Variants in FER1L6 observed in about 807,000 individuals in gnomAD.
FER1L6 encodes fer-1 like family member 6.
In FER1L6, 177 loss-of-function variants were observed where a neutral mutation model predicts 219.2. The ratio of observed to expected loss-of-function variants is 0.81; its 90% confidence interval spans 0.71 to 0.91. FER1L6 has a LOEUF of 0.91. Ranked by LOEUF, FER1L6 falls within the 40% of genes least tolerant of loss-of-function variation. FER1L6 has a pLI of 0.00. For synonymous variants in FER1L6, 768 were observed against 824.3 expected (o/e 0.93, Z 1.17); for missense variants, 2,153 against 2,259.9 (o/e 0.95, Z 0.96).
At chr8:124,010,140 C>T (rs1037564946) in intron 13 of FER1L6, among the ~76,000 whole-genome samples, 5 of 151,220 alleles carry the variant, frequency 3.3e-5, no homozygotes, top group Non-Finnish European at 5.9e-5. Flanking sequence ...GGTCGTGGAG[C>T]TGCAGATCCA....
intron 1 of FER1L6, among the ~76,000 whole-genome samples, chr8:123,856,703 T>C (rs543373922): frequency 6.6e-6 from 1 of 151,966 alleles, no homozygotes; most frequent in Admixed American, 6.6e-5. Flanking sequence ...TCTGCTTGGA[T>C]GAAGAGTAGC....
chr8:124,094,856 A>G (rs752318945), intron 34 of FER1L6, 40 bp from the exon 35 acceptor site: 1 of 1,610,656 alleles, frequency 6.2e-7, no homozygotes, highest in Admixed American at 1.7e-5. Flanking sequence ...GTCTCCTTGC[A>G]GGAACACACA....
chr8:124,004,115 C>CAAAAAAAAAAA (rs80310802), intron 13 of FER1L6: 47 of 78,364 alleles, frequency 6.0e-4, no homozygotes, highest in Non-Finnish European at 7.9e-4. Context: ...CTGAAAGACT[C>CAAAAAAAAAAA]AAAAAAAAAA....
intron 34 of FER1L6, 112 bp downstream of exon 34, chr8:124,091,695 A>G (rs1011360761): frequency 2.3e-5 from 27 of 1,151,040 alleles, no homozygotes; most frequent in Non-Finnish European, 3.4e-5. Flanking sequence ...GGCCAGGCAC[A>G]GTGGCTCACG....
chr8:123,927,882 CAG>C (rs2129894255), intron 1 of FER1L6, among the ~76,000 whole-genome samples: 1 of 152,284 alleles, frequency 6.6e-6, no homozygotes, highest in South Asian at 2.1e-4. Context: ...TTATATATCA[CAG>C]TGTTTATTGT....
At chr8:124,027,682 C>T (rs1293473348) in intron 18 of FER1L6, among the ~76,000 whole-genome samples, 1 of 152,184 alleles carries the variant, frequency 6.6e-6, no homozygotes, top group African/African-American at 2.4e-5. Flanking sequence ...ACCTTAGCCT[C>T]CTGAATAGCT....
chr8:124,077,539 TG>T (rs1821343529), intron 32 of FER1L6, among the ~76,000 whole-genome samples: 1 of 152,186 alleles, frequency 6.6e-6, no homozygotes, highest in Non-Finnish European at 1.5e-5. Context: ...ATGACAGTGC[TG>T]GGGAAACACC....
intron 1 of FER1L6, among the ~76,000 whole-genome samples, chr8:123,926,805 C>T (rs1813578717): frequency 6.6e-6 from 1 of 152,024 alleles, no homozygotes. Flanking sequence ...AATATATATT[C>T]TAAGTAATAT....
rs145582135 is a variant in FER1L6, at chr8:124,051,374, G to A, written c.2874+1618G>A. Among the ~76,000 whole-genome samples the A allele has an allele frequency of 7.9e-4, 120 of 152,294 alleles. No individual in the cohort carries two copies. The Middle Eastern group carries it at 0.01, about 13-fold the overall frequency. On this transcript the variant is annotated intron_variant, in intron 22 of 40. Coordinates refer to ENST00000522917, the MANE Select transcript of FER1L6 (RefSeq NM_001039112.2). ...CACCTCCTGGTGCCTCAGTGAGTAG[G>A]AGGTCAAGGGGAGAAATCTCTGATA...
chr8:123,859,276 C>T (rs1816702729), intron 1 of FER1L6, among the ~76,000 whole-genome samples: 1 of 152,206 alleles, frequency 6.6e-6, no homozygotes, highest in African/African-American at 2.4e-5. Context: ...GCTGGGATTA[C>T]AGGCATGAGC....
intron 39 of FER1L6, among the ~76,000 whole-genome samples, chr8:124,118,436 T>G (rs1823337560): frequency 2.0e-5 from 3 of 152,220 alleles, no homozygotes; most frequent in Non-Finnish European, 4.4e-5. Flanking sequence ...GTGGGGCCAC[T>G]GTCACCAGTT....
intron 39 of FER1L6, among the ~76,000 whole-genome samples, chr8:124,115,549 A>G (rs1823211336): frequency 6.6e-6 from 1 of 152,096 alleles, no homozygotes; most frequent in African/African-American, 2.4e-5. Flanking sequence ...TGATTTTCCT[A>G]TAGGAATCTG....
chr8:124,069,160 T>A (rs1210013417), intron 28 of FER1L6, among the ~76,000 whole-genome samples, 200 bp from the exon 29 acceptor site: 1 of 152,082 alleles, frequency 6.6e-6, no homozygotes, highest in Non-Finnish European at 1.5e-5. Flanking sequence ...ATGGTCTCGA[T>A]CTCCTGACCT....
At chr8:124,004,647 C>G (rs989257469) in intron 13 of FER1L6, among the ~76,000 whole-genome samples, 1 of 152,066 alleles carries the variant, frequency 6.6e-6, no homozygotes, top group Non-Finnish European at 1.5e-5. Context: ...TCTTCTTTCC[C>G]TATTTTTCCT....
At chr8:124,091,143 T>A (rs943342546) in intron 33 of FER1L6, among the ~76,000 whole-genome samples, 6 of 152,202 alleles carry the variant, frequency 3.9e-5, no homozygotes, top group African/African-American at 1.4e-4. Context: ...GGTCAACTTT[T>A]AAATGGTCAA....
At chr8:123,998,808 C>A (rs1205121487) in intron 12 of FER1L6, among the ~76,000 whole-genome samples, 1 of 152,192 alleles carries the variant, frequency 6.6e-6, no homozygotes, top group African/African-American at 2.4e-5. Flanking sequence ...CTCTCCTTTT[C>A]TCAAGCAGCT....
chr8:124,010,183 C>T (rs950969974), intron 13 of FER1L6, among the ~76,000 whole-genome samples: 7 of 143,624 alleles, frequency 4.9e-5, no homozygotes, highest in Non-Finnish European at 9.0e-5. Flanking sequence ...TTCAAGGGTT[C>T]GGAAGCTGGC....
chr8:124,039,026 A>T (rs1819344076), intron 19 of FER1L6, among the ~76,000 whole-genome samples: 1 of 152,212 alleles, frequency 6.6e-6, no homozygotes, highest in East Asian at 1.9e-4. Flanking sequence ...TGATGAACTC[A>T]ACTCTTACTT....
chr8:123,964,183 C>A (rs1266896784), intron 3 of FER1L6, among the ~76,000 whole-genome samples: 1 of 152,184 alleles, frequency 6.6e-6, no homozygotes, highest in African/African-American at 2.4e-5. Context: ...TTTCTGCTGC[C>A]TTCTGTTGGA....
Sources: gnomAD v4.1 joint callset for allele counts (sites outside exome capture counted in the v4.1 genomes callset) on GRCh38, gnomAD v4.1.1 for gene constraint, MANE v1.5 for transcripts, NCBI Gene and HGNC (gene_info 2026-07-23, HGNC 2026-07-21) for gene names.